CCDC170: variants seen among roughly 807,000 people sequenced by gnomAD.
CCDC170 encodes the protein coiled-coil domain containing 170.
Under a neutral mutation model 72.6 loss-of-function variants are expected in CCDC170, and 69 were observed. That is an observed-to-expected ratio of 0.95 (90% CI 0.78 to 1.16). The LOEUF (loss-of-function observed/expected upper bound fraction) is 1.16. Ranked by LOEUF, CCDC170 falls within the 50% of genes most tolerant of loss-of-function variation. The pLI is 0.00. For missense variants in CCDC170, 852 were observed against 832.5 expected (o/e 1.02, Z -0.29); for synonymous variants, 300 against 303.9 (o/e 0.99, Z 0.13).
Position 151,601,413 on chromosome 6 carries a change from A to G in CCDC170, c.1710+4836A>G, listed in dbSNP as rs115136921. Among the ~76,000 whole-genome samples the G allele has an allele frequency of 5.5e-3, 834 of 152,214 alleles. 11 individuals are homozygous for G. Among genetic ancestry groups the G allele is most frequent in the African/African-American group, 0.019 (805 of 41,522 alleles). ...AGTATGAGTATACTTAATATTTTCA[A>G]GGTTCATCCCATGTTGTACCATGGA... On this transcript the variant is annotated intron_variant, in intron 9 of 10. Coordinates refer to ENST00000239374, the MANE Select transcript of CCDC170 (RefSeq NM_025059.4).
intron 7 of CCDC170, among the ~76,000 whole-genome samples, chr6:151,589,769 T>A (rs6925996): frequency 6.6e-6 from 1 of 151,928 alleles, no homozygotes; most frequent in African/African-American, 2.4e-5. Flanking sequence ...GGTTCTCTGG[T>A]GCCCCCAGGA....
rs779650559 is a variant in CCDC170 at position 151,540,373 on chromosome 6, C to CT, written c.443+2101dup. 2.9e-4 allele frequency among the ~76,000 whole-genome samples: 11 copies of CT among 37,944 alleles called. 3 individuals carry two copies. Among genetic ancestry groups the CT allele is most frequent in the African/African-American group, 3.2e-4 (4 of 12,330 alleles). The allele number at this position is 37,944 out of a possible 152,430, so 24.9% of individuals were successfully genotyped here. ...CCTCCTCCTCCTTCTTCTGCTGCTG[C>CT]TTTTTTTTTTTTTTTTTTTTTTTTT... On this transcript the variant is annotated intron_variant, in intron 3 of 10. Transcript: ENST00000239374.
chr6:151,583,909 C>T (rs1233772563), intron 6 of CCDC170, among the ~76,000 whole-genome samples: 1 of 152,198 alleles, frequency 6.6e-6, no homozygotes, highest in Non-Finnish European at 1.5e-5. Flanking sequence ...ACACATGTAT[C>T]ATTTAAGTTC....
chr6:151,522,213 A>G (rs1489035271), intron 1 of CCDC170, among the ~76,000 whole-genome samples: 1 of 152,256 alleles, frequency 6.6e-6, no homozygotes, highest in African/African-American at 2.4e-5. Context: ...TGCAGAAGAC[A>G]GTAGTTACAC....
chr6:151,585,829 T>C, intron 6 of CCDC170, 60 bp from the exon 7 acceptor site: 1 of 1,499,568 alleles, frequency 6.7e-7, no homozygotes, highest in Non-Finnish European at 9.2e-7. Context: ...GAGCAGTAGA[T>C]GTGAACACTT....
In CCDC170 at chr6:151,618,004, G is replaced by C. The variant is rs199661066; in HGVS notation, c.2005G>C (p.Ala669Pro). The C allele has an allele frequency of 2.5e-4, 403 of 1,614,106 alleles. No individual in the cohort carries two copies. Among genetic ancestry groups the C allele is most frequent in the Non-Finnish European group, 3.2e-4 (383 of 1,180,000 alleles). ...GCTAGGCTTGAACGTGACCAGCCTT[G>C]CTCTTCCTGATTATGAAATCATCAA... The part of the protein sequence containing the change: ...QMLGLNVTSL[A>P]LPDYEIIKCL... The change falls in exon 11 of 11, where the codon GCT (alanine) becomes CCT (proline). Residue 669 changes from alanine (A) to proline (P), a missense_variant. Coordinates refer to ENST00000239374, the MANE Select transcript of CCDC170 (RefSeq NM_025059.4).
chr6:151,583,323 C>A (rs114131253), intron 6 of CCDC170, among the ~76,000 whole-genome samples: 1 of 151,806 alleles, frequency 6.6e-6, no homozygotes, highest in African/African-American at 2.4e-5. Flanking sequence ...CCTTCAAGAA[C>A]GCTTCCTTTC....
intron 1 of CCDC170, 196 bp from the exon 2 acceptor site, chr6:151,536,122 G>A (rs970163408): frequency 3.5e-6 from 2 of 569,552 alleles, no homozygotes; most frequent in East Asian, 6.5e-5. Context: ...ATTTGTTCCC[G>A]AACTTTCTCC....
chr6:151,522,965 G>T (rs143804830), intron 1 of CCDC170, among the ~76,000 whole-genome samples: 14 of 152,134 alleles, frequency 9.2e-5, no homozygotes, highest in African/African-American at 3.1e-4. Flanking sequence ...CTGTGGACTT[G>T]CCCTGAATTC....
chr6:151,583,071 C>A (rs891419340), intron 6 of CCDC170, among the ~76,000 whole-genome samples: 5 of 142,784 alleles, frequency 3.5e-5, no homozygotes, highest in Non-Finnish European at 7.4e-5. Context: ...CAGCTCACTG[C>A]AACCTCTGCC....
At chr6:151,595,271 T>C (rs1005503535) in intron 8 of CCDC170, among the ~76,000 whole-genome samples, 1 of 152,066 alleles carries the variant, frequency 6.6e-6, no homozygotes, top group African/African-American at 2.4e-5. Context: ...GGAAGCTTCT[T>C]CCCCCTCTAG....
intron 9 of CCDC170, among the ~76,000 whole-genome samples, chr6:151,608,952 G>A (rs1776827207): frequency 6.6e-6 from 1 of 152,178 alleles, no homozygotes; most frequent in Non-Finnish European, 1.5e-5. Context: ...TCCATGATAT[G>A]ACTGTGGACT....
At chr6:151,541,617 T>G (rs910591554) in intron 3 of CCDC170, among the ~76,000 whole-genome samples, 1 of 151,922 alleles carries the variant, frequency 6.6e-6, no homozygotes, top group African/African-American at 2.4e-5. Flanking sequence ...AAATGAGTAA[T>G]AAAAACACTA....
At chr6:151,544,868 C>CAT in intron 4 of CCDC170, 152 bp downstream of exon 4, 1 of 614,112 alleles carries the variant, frequency 1.6e-6, no homozygotes, top group Non-Finnish European at 2.7e-6. Flanking sequence ...TGGGACAAGT[C>CAT]ACGTCACCTG....
At chr6:151,606,855 A>G (rs78983566) in intron 9 of CCDC170, among the ~76,000 whole-genome samples, 1,562 of 152,196 alleles carry the variant, frequency 0.01, 28 homozygotes, top group African/African-American at 0.036. Context: ...TGTTCTTTTC[A>G]TCATTATATA....
intron 9 of CCDC170, among the ~76,000 whole-genome samples, chr6:151,598,429 G>T (rs570302741): frequency 6.6e-6 from 1 of 152,244 alleles, no homozygotes; most frequent in Admixed American, 6.5e-5. Context: ...AGCAGATGGG[G>T]GTGTTCGGTT....
chr6:151,571,316 T>TA (rs1454950510), intron 5 of CCDC170, among the ~76,000 whole-genome samples: 2 of 69,298 alleles, frequency 2.9e-5, no homozygotes, highest in African/African-American at 1.7e-4. Flanking sequence ...ATACTATTTT[T>TA]AATAATTTTT....
At chr6:151,590,256 T>C (rs1226891523) in intron 7 of CCDC170, among the ~76,000 whole-genome samples, 2 of 152,192 alleles carry the variant, frequency 1.3e-5, no homozygotes, top group East Asian at 3.9e-4. Flanking sequence ...AAAAAATCAT[T>C]TTTTCCTGTA....
intron 9 of CCDC170, among the ~76,000 whole-genome samples, chr6:151,614,327 A>C (rs960642826): frequency 5.9e-5 from 9 of 152,314 alleles, no homozygotes; most frequent in African/African-American, 2.2e-4. Context: ...ATTCCTATGA[A>C]TTAGCCTATT....
Sources: allele counts gnomAD v4.1 joint callset (sites outside exome capture counted in the v4.1 genomes callset), GRCh38; gene constraint gnomAD v4.1.1; transcripts MANE v1.5; gene names NCBI Gene and HGNC (gene_info 2026-07-23, HGNC 2026-07-21).